THSD4: variants seen among roughly 807,000 people sequenced by gnomAD.
THSD4 encodes thrombospondin type 1 domain containing 4.
In THSD4, 69 loss-of-function variants were observed where a neutral mutation model predicts 119.0. That is an observed-to-expected ratio of 0.58 (90% confidence interval 0.48 to 0.71). THSD4 has a LOEUF of 0.71. Ranked by LOEUF, THSD4 falls within the 30% of genes least tolerant of loss-of-function variation. THSD4 has a pLI of 0.00. For synonymous variants in THSD4, 524 were observed against 540.4 expected, an observed-to-expected ratio of 0.97 and a Z score of 0.42; for missense variants, 1,393 against 1,391.1, an observed-to-expected ratio of 1.00 and a Z score of -0.02.
In THSD4 at chr15:71,418,493, T is replaced by A. The variant is rs1283566401; in HGVS notation, c.1152+6670T>A. Among the ~76,000 whole-genome samples the A allele has an allele frequency of 1.8e-5, 2 of 109,406 alleles. 1 individual carries two copies. The highest frequency in any genetic ancestry group is 2.3e-4 in the Admixed American group (2 of 8,530). 71.8% of individuals were successfully genotyped at this position (109,406 alleles called of 152,430 possible). Reference sequence around the variant, plus strand: ...GGATGTTGAATTTTATCAAATGCTTTTATTGACATCAATTGAAAGGTCATA... The same window carrying A: ...GGATGTTGAATTTTATCAAATGCTTATATTGACATCAATTGAAAGGTCATA... On this transcript the variant is annotated intron_variant, in intron 7 of 17. Transcript: ENST00000261862.
chr15:71,712,998 G>A (rs1032224809), intron 8 of THSD4, among the ~76,000 whole-genome samples: 2 of 152,152 alleles, frequency 1.3e-5, no homozygotes, highest in African/African-American at 4.8e-5. Flanking sequence ...ATCTGTAAAA[G>A]TTGAATTAAT....
chr15:71,098,440 T>C (rs535270468), intron 1 of THSD4, among the ~76,000 whole-genome samples: 22 of 152,210 alleles, frequency 1.4e-4, no homozygotes, highest in African/African-American at 5.1e-4. Context: ...AATTTGTGTA[T>C]TTTTGTAGAG....
At chr15:71,571,834 G>A (rs1402702948) in intron 7 of THSD4, among the ~76,000 whole-genome samples, 1 of 152,170 alleles carries the variant, frequency 6.6e-6, no homozygotes, top group Non-Finnish European at 1.5e-5. Flanking sequence ...TCATGACAAT[G>A]GGAGATTCAG....
chr15:71,185,872 G>A (rs1035435811), intron 3 of THSD4: 1 of 152,208 alleles, frequency 6.6e-6, no homozygotes, highest in African/African-American at 2.4e-5. Flanking sequence ...GAATAAACAA[G>A]TGCAGTGCAG....
intron 7 of THSD4, among the ~76,000 whole-genome samples, chr15:71,518,760 G>A (rs894615213): frequency 4.6e-5 from 7 of 152,096 alleles, no homozygotes; most frequent in Non-Finnish European, 1.0e-4. Context: ...GTCAGAGCTC[G>A]GATTCAAACC....
chr15:71,643,163 A>G (rs2050899205), intron 7 of THSD4, among the ~76,000 whole-genome samples: 1 of 152,130 alleles, frequency 6.6e-6, no homozygotes, highest in Non-Finnish European at 1.5e-5. Context: ...GTGCCCATGC[A>G]TATGCTAAAT....
intron 7 of THSD4, among the ~76,000 whole-genome samples, chr15:71,591,005 C>CAAAAAAAAAAAAAAAA (rs67271025): frequency 3.0e-4 from 17 of 57,508 alleles, no homozygotes; most frequent in Non-Finnish European, 3.3e-4. Flanking sequence ...GACTCCATCT[C>CAAAAAAAAAAAAAAAA]AAAAAAAAAA....
chr15:71,400,283 C>G (rs569113545), intron 6 of THSD4, among the ~76,000 whole-genome samples: 1 of 152,304 alleles, frequency 6.6e-6, no homozygotes, highest in Admixed American at 6.5e-5. Flanking sequence ...GGAAAGCGCC[C>G]AAAACCTTTT....
At chr15:71,439,229 C>A (rs1378306584) in intron 7 of THSD4, among the ~76,000 whole-genome samples, 2 of 152,176 alleles carry the variant, frequency 1.3e-5, no homozygotes, top group African/African-American at 4.8e-5. Flanking sequence ...TGTTTTATTG[C>A]ATATGGATCA....
chr15:71,344,119 A>G (rs1324810087), intron 6 of THSD4, among the ~76,000 whole-genome samples: 1 of 149,674 alleles, frequency 6.7e-6, no homozygotes, highest in Non-Finnish European at 1.5e-5. Context: ...GCTCACTGCA[A>G]GCTCCGCCTC....
chr15:71,099,658 ATAT>A (rs1202367577), intron 1 of THSD4, among the ~76,000 whole-genome samples: 1 of 152,048 alleles, frequency 6.6e-6, no homozygotes, highest in Non-Finnish European at 1.5e-5. Context: ...GATCATAAAT[ATAT>A]TATTATATTT....
intron 6 of THSD4, among the ~76,000 whole-genome samples, chr15:71,309,558 G>C (rs1325989453): frequency 1.3e-5 from 2 of 152,072 alleles, no homozygotes; most frequent in African/African-American, 4.8e-5. Context: ...TGTCCTATTT[G>C]AGAAACCATT....
intron 7 of THSD4, among the ~76,000 whole-genome samples, chr15:71,624,162 C>T (rs1024580738): frequency 2.0e-5 from 3 of 152,124 alleles, no homozygotes; most frequent in Non-Finnish European, 4.4e-5. Flanking sequence ...GCCACAATGA[C>T]CTTTCAGAGT....
rs145667609 is a variant in THSD4, at chr15:71,322,463, A to G, written c.1015+65748A>G. On this transcript the variant is annotated intron_variant, in intron 6 of 17. Coordinates refer to ENST00000261862, the MANE Select transcript of THSD4 (RefSeq NM_024817.3). ...TGTCTATTTGGCCTGATACGGGGTA[A>G]TAGAATTCTAAAAACAGAAATGTAT... Among the ~76,000 whole-genome samples, 80 of 152,350 alleles carry G rather than the reference A, an allele frequency of 5.3e-4. 1 individual carries two copies. The East Asian group carries it at 0.015, about 28-fold the overall frequency.
rs1230196244 is a variant in THSD4, at chr15:71,141,759, G to T, written c.29+203G>T. Among the ~76,000 whole-genome samples, 3 of 152,278 alleles carry T rather than the reference G, an allele frequency of 2.0e-5. No homozygotes were observed. In the East Asian group the frequency reaches 5.8e-4, roughly 29 times the overall value. ...AGCTGTGTGCTGTGCTGAGTGGCTT[G>T]GGGTCGAAGTCAATCTACTATCTTC... On this transcript the variant is annotated intron_variant, in intron 2 of 17. Coordinates refer to ENST00000261862, the MANE Select transcript of THSD4 (RefSeq NM_024817.3).
chr15:71,499,409 T>A (rs1051594834), intron 7 of THSD4, among the ~76,000 whole-genome samples: 1 of 152,056 alleles, frequency 6.6e-6, no homozygotes, highest in African/African-American at 2.4e-5. Flanking sequence ...TACCATGTAC[T>A]ATATTTTCCA....
chr15:71,618,652 C>T (rs994679366), intron 7 of THSD4, among the ~76,000 whole-genome samples: 4 of 152,090 alleles, frequency 2.6e-5, no homozygotes, highest in Non-Finnish European at 4.4e-5. Context: ...CGGCTTATTG[C>T]AGCCTCAGCC....
chr15:71,165,277 C>T lies in THSD4; in HGVS notation c.99+10345C>T, dbSNP rs1005618578. 8 of 1,586,126 alleles carry T rather than the reference C, an allele frequency of 5.0e-6. No individual in the cohort carries two copies. In the South Asian group the frequency reaches 6.6e-5, roughly 13 times the overall value. ...CTTTAGCAGAAATGGTCTTCCACCT[C>T]TCTGAGCACTTCTTAGAAAACTCTT... On this transcript the variant is annotated intron_variant, in intron 3 of 17. Coordinates refer to ENST00000261862, the MANE Select transcript of THSD4 (RefSeq NM_024817.3).
At chr15:71,209,541 C>G (rs913990881) in intron 3 of THSD4, among the ~76,000 whole-genome samples, 12 of 152,230 alleles carry the variant, frequency 7.9e-5, no homozygotes, top group Admixed American at 7.8e-4. Context: ...GACCTTACCT[C>G]TTTCATAGAA....
Sources: allele counts gnomAD v4.1 joint callset (sites outside exome capture counted in the v4.1 genomes callset), GRCh38; gene constraint gnomAD v4.1.1; transcripts MANE v1.5; gene names NCBI Gene and HGNC (gene_info 2026-07-23, HGNC 2026-07-21).